CRLF1: variants seen among roughly 807,000 people sequenced by gnomAD.
CRLF1 encodes cytokine receptor-like factor 1.
In CRLF1, 36 loss-of-function variants were observed where a neutral mutation model predicts 48.9. That is an observed-to-expected ratio of 0.74 (90% confidence interval 0.56 to 0.97). The LOEUF is 0.97. CRLF1 is among the 50% of genes least tolerant of loss of function. CRLF1 has a pLI of 0.00. For synonymous variants in CRLF1, 256 were observed against 253.4 expected, an observed-to-expected ratio of 1.01 and a Z score of -0.10; for missense variants, 534 against 575.1, an observed-to-expected ratio of 0.93 and a Z score of 0.73.
intron 4 of CRLF1, 102 bp from the exon 5 acceptor site, chr19:18,597,151 G>A (rs1761724098): frequency 7.6e-7 from 1 of 1,317,962 alleles, no homozygotes; most frequent in Non-Finnish European, 1.0e-6. Flanking sequence ...ACCTGCCTCT[G>A]TTTTCCTCCT....
At chr19:18,596,586 G>C (rs1198804969) in intron 6 of CRLF1, 36 bp downstream of exon 6, 3 of 1,608,266 alleles carry the variant, frequency 1.9e-6, no homozygotes, top group Non-Finnish European at 2.6e-6. Context: ...GTTTCGGACT[G>C]GCCGCTGGAT....
intron 6 of CRLF1, among the ~76,000 whole-genome samples, 157 bp from the exon 7 acceptor site, chr19:18,594,591 A>T (rs888872782): frequency 2.0e-5 from 3 of 151,592 alleles, no homozygotes; most frequent in Admixed American, 2.0e-4. Context: ...CCTGCACAGC[A>T]GCCCAGCTGC....
chr19:18,600,607 C>T (rs11878631), intron 1 of CRLF1, among the ~76,000 whole-genome samples: 19,399 of 152,142 alleles, frequency 0.13, 3,216 homozygotes, highest in African/African-American at 0.39. Flanking sequence ...ACCTCATGAT[C>T]CATCCGTATG....
chr19:18,599,742 G>A lies in CRLF1; in HGVS notation c.220C>T (p.Leu74Phe). Residue 74 changes from leucine to phenylalanine, a missense_variant, in exon 2 of 9, where the codon CTC becomes TTC. By Grantham distance (22) the Leu-to-Phe change is conservative (BLOSUM62 0). Transcript: ENST00000392386. ...CGGCGCCCGTTGAGGGTCCAGTAGA[G>A]GCCCTCGGCGGTGGCTCCTGGTGGG... ...GDPPGATAEG[L>F]YWTLNGRRLP... 2 of 1,602,266 alleles carry A rather than the reference G, an allele frequency of 1.2e-6. No individual in the cohort carries two copies. Among genetic ancestry groups the A allele is most frequent in the East Asian group, 2.2e-5 (1 of 44,474 alleles).
chr19:18,593,928 CAAAG>C (rs1600648240), intron 8 of CRLF1, 133 bp downstream of exon 8: 6 of 1,468,846 alleles, frequency 4.1e-6, no homozygotes, highest in Middle Eastern at 2.5e-4. Context: ...TGATGAATAA[CAAAG>C]GAAGAGGACG....
chr19:18,593,648 G>A (rs1976086292), intron 8 of CRLF1, 69 bp from the exon 9 acceptor site: 2 of 1,559,936 alleles, frequency 1.3e-6, no homozygotes, highest in Admixed American at 1.9e-5. Flanking sequence ...AGCCACTGAA[G>A]GAGGCTTCAT....
In CRLF1 at chr19:18,599,910, A is replaced by C. The variant is rs1254690654; in HGVS notation, c.116-64T>G. On this transcript the variant is annotated intron_variant, in intron 1 of 8. Transcript: ENST00000392386. ...GACCCTCCAAGCCCCCAACCATGCC[A>C]GGACCTCCAGGGTTCATGGTGGTCC... is the stretch of plus-strand genomic sequence containing the variant. The C allele has an allele frequency of 2.1e-6, 3 of 1,432,072 alleles. No homozygotes were observed. In the African/African-American group the frequency reaches 4.3e-5, roughly 20 times the overall value. 88.7% of individuals were successfully genotyped at this position (1,432,072 alleles called of 1,614,324 possible).
intron 1 of CRLF1, among the ~76,000 whole-genome samples, chr19:18,602,342 C>T (rs987599523): frequency 6.6e-6 from 1 of 152,310 alleles, no homozygotes; most frequent in Admixed American, 6.5e-5. Context: ...GGTGCGGTGG[C>T]TCATGCCTGT....
At position 18,597,709 on chromosome 19, in the gene CRLF1, G is replaced by A. The variant is rs548984017; in HGVS notation, c.698-660C>T. Among the ~76,000 whole-genome samples the A allele has an allele frequency of 2.0e-5, 3 of 152,154 alleles. No individual in the cohort carries two copies. The South Asian group carries it at 6.2e-4, about 32-fold the overall frequency. ...GGCCTCCCAAAGTGCTGGGATTACA[G>A]GTGTGAGCCACCGCGCCCGGCCCTC... On this transcript the variant is annotated intron_variant, in intron 4 of 8. Coordinates refer to ENST00000392386, the MANE Select transcript of CRLF1 (RefSeq NM_004750.5).
At position 18,606,732 on chromosome 19, in the gene CRLF1, G is replaced by A. The variant is rs925045973; in HGVS notation, c.-76C>T. ...GCGCAGGGCGCGGGACGCAGGCCGG[G>A]CGCGGGAGGGCGCGGGCCAGGCCGC... On this transcript the variant is annotated 5_prime_UTR_variant, in exon 1 of 9. Transcript: ENST00000392386. This position sits in a 1 kb window ranked among gnomAD's most constrained non-coding sequence, Gnocchi z 4.8. 3 of 162,052 alleles carry A rather than the reference G, an allele frequency of 1.9e-5. No homozygotes were observed. Among genetic ancestry groups the A allele is most frequent in the Non-Finnish European group, 3.7e-5 (3 of 80,572 alleles). 10.0% of individuals were successfully genotyped at this position (162,052 alleles called of 1,614,324 possible).
chr19:18,603,663 C>CT (rs1360615112), intron 1 of CRLF1, among the ~76,000 whole-genome samples: 2 of 152,248 alleles, frequency 1.3e-5, no homozygotes, highest in Admixed American at 1.3e-4. Flanking sequence ...AATGCCAGCG[C>CT]TGCCCTGCAC....
chr19:18,596,898 GTCCACACTGTCC>G lies in CRLF1; in HGVS notation c.837_848del (p.Glu279_Val282del). On this transcript the variant is annotated inframe_deletion, in exon 5 of 9. Transcript: ENST00000392386. ...CAGGGAAGGGGAGGGTCACCTTCCAGTCCACACTGTCCTCCACTCGGTAGCGGATCTGGTATT... is the reference window on the plus strand; with the variant it reads ...CAGGGAAGGGGAGGGTCACCTTCCAGTCCACTCGGTAGCGGATCTGGTATT... 6.2e-7 allele frequency: 1 copy of G among 1,614,136 alleles called. No individual in the cohort carries two copies. The highest frequency in any genetic ancestry group is 8.5e-7 in the Non-Finnish European group (1 of 1,180,034).
At position 18,594,105 on chromosome 19, in the gene CRLF1, G is replaced by C. The variant is rs1212387328; in HGVS notation, c.1215C>G (p.Asp405Glu). 4 of 1,337,076 alleles carry C rather than the reference G, an allele frequency of 3.0e-6. No individual in the cohort carries two copies. The highest frequency in any genetic ancestry group is 3.9e-6 in the Non-Finnish European group (4 of 1,020,240). 82.8% of individuals were successfully genotyped at this position (1,337,076 alleles called of 1,614,324 possible). A position where few individuals can be genotyped will look rare whatever the true frequency, so the allele number is the denominator to read the frequency against. The change falls in exon 8 of 9, where the codon GAC becomes GAG. Residue 405 changes from aspartate to glutamate, a missense_variant and splice_region_variant. Physicochemically the swap from Asp to Glu is conservative, Grantham distance 45 (BLOSUM62 2). Around this residue, in one of 2 missense-constraint regions of CRLF1, gnomAD observed 528 missense variants for 555.7 expected, o/e 0.95. Coordinates refer to ENST00000392386, the MANE Select transcript of CRLF1 (RefSeq NM_004750.5). ...GTCTGCCCGAGGGCAGGATCCCCTC[G>C]TCCTGTGCTTGGAAGGAAGGCAGAG... ...MQKSHKTRNQ[D>E]EGILPSGRRG...
rs1338238832 is a variant in CRLF1, at chr19:18,598,568, G to A, written c.561C>T (p.Tyr187=). 1 of 1,614,060 alleles carries A rather than the reference G, an allele frequency of 6.2e-7. No individual in the cohort carries two copies. The highest frequency in any genetic ancestry group is 1.1e-5 in the South Asian group (1 of 91,084). ...WYGQDNTCEE[Y]HTVGPHSCHI... ...GGCAGGAGTGGGGCCCCACTGTGTG[G>A]TACTCCTCACATGTGTTGTCCTGGC... The change falls in exon 4 of 9, where the codon TAC becomes TAT. Residue 187 remains tyrosine, a synonymous_variant. Transcript: ENST00000392386.
Position 18,599,545 on chromosome 19 carries a change from T to TG in CRLF1, c.397+19dup. ...CCGCTCCCAAGAGCTACCCCTGGGG[T>TG]GTCCTGGGTGCCAACTTACGGCCAA... On this transcript the variant is annotated intron_variant, in intron 2 of 8. Coordinates refer to ENST00000392386, the MANE Select transcript of CRLF1 (RefSeq NM_004750.5). 6.2e-7 allele frequency: 1 copy of TG among 1,611,730 alleles called. No individual in the cohort carries two copies. The highest frequency in any genetic ancestry group is 8.5e-7 in the Non-Finnish European group (1 of 1,179,978).
chr19:18,593,429 G>A lies in CRLF1; in HGVS notation c.*137C>T, dbSNP rs897219003. The A allele has an allele frequency of 1.7e-5, 21 of 1,261,228 alleles. No homozygotes were observed. The African/African-American group carries it at 2.2e-4, about 13-fold the overall frequency. The allele number at this position is 1,261,228 out of a possible 1,614,324, so 78.1% of individuals were successfully genotyped here. On this transcript the variant is annotated 3_prime_UTR_variant, in exon 9 of 9. Coordinates refer to ENST00000392386, the MANE Select transcript of CRLF1 (RefSeq NM_004750.5). ...CGTGGGAGTCAGAGCTGTTATGGCC[G>A]TTGGAGCTCAGGGGCCACCCCAGCT... is the stretch of plus-strand genomic sequence containing the variant.
intron 1 of CRLF1, among the ~76,000 whole-genome samples, chr19:18,603,752 T>C (rs749937448): frequency 1.3e-5 from 2 of 152,104 alleles, no homozygotes; most frequent in Non-Finnish European, 2.9e-5. Context: ...CGGGGCAAAC[T>C]TGGCTCGAGG....
In CRLF1 at chr19:18,606,700, G is replaced by T. The variant is rs1287582792; in HGVS notation, c.-44C>A. On this transcript the variant is annotated 5_prime_UTR_variant, in exon 1 of 9. Coordinates refer to ENST00000392386, the MANE Select transcript of CRLF1 (RefSeq NM_004750.5). This position sits in a 1 kb window ranked among gnomAD's most constrained non-coding sequence, Gnocchi z 4.8. Reference sequence around the variant, plus strand: ...GGCGCGCGGCGGGCTGCGGCTCGGCGGCGGTGGCGCAGGGCGCGGGACGCA... The same window carrying T: ...GGCGCGCGGCGGGCTGCGGCTCGGCTGCGGTGGCGCAGGGCGCGGGACGCA... 1 of 341,866 alleles carries T rather than the reference G, an allele frequency of 2.9e-6. No individual in the cohort carries two copies. Among genetic ancestry groups the T allele is most frequent in the South Asian group, 1.2e-4 (1 of 8,686 alleles). 21.2% of individuals were successfully genotyped at this position (341,866 alleles called of 1,614,324 possible). A position where few individuals can be genotyped will look rare whatever the true frequency, so the allele number is the denominator to read the frequency against.
chr19:18,600,960 A>G (rs1018254973), intron 1 of CRLF1, among the ~76,000 whole-genome samples: 2 of 151,960 alleles, frequency 1.3e-5, no homozygotes, highest in African/African-American at 4.8e-5. Context: ...GTGCACCACC[A>G]CACCTGGCTG....
Sources: allele counts gnomAD v4.1 joint callset (sites outside exome capture counted in the v4.1 genomes callset), GRCh38; gene constraint gnomAD v4.1.1; regional missense constraint gnomAD v4.1.1; non-coding constraint Gnocchi (gnomAD v3.1); transcripts MANE v1.5; gene names NCBI Gene and HGNC (gene_info 2026-07-23, HGNC 2026-07-21).